The following AGMO variants were observed in gnomAD, a reference collection of about 807,000 sequenced individuals.
AGMO encodes the protein glyceryl-ether monooxygenase.
In AGMO, 75 loss-of-function variants were observed where a neutral mutation model predicts 60.2. The observed-to-expected ratio is 1.25, with a 90% CI of 1.03 to 1.51. AGMO has a LOEUF of 1.51. Among genes scored for constraint, AGMO ranks in the 40% most tolerant of loss-of-function variants. The probability of loss-of-function intolerance (pLI) is 0.00; values close to 1 mark genes in which losing one functional copy is unlikely to be tolerated. For missense variants in AGMO, 763 were observed against 525.5 expected, an observed-to-expected ratio of 1.45 and a Z score of -4.42; for synonymous variants, 261 against 177.1, an observed-to-expected ratio of 1.47 and a Z score of -3.76.
chr7:15,172,525 T>C, the AGMO span, among the ~76,000 whole-genome samples: 1 of 152,138 alleles, frequency 6.6e-6, no homozygotes, highest in Non-Finnish European at 1.5e-5. Context: ...AAATAAAACC[T>C]GCCATGTGAC....
At chr7:15,161,574 T>C in the AGMO span, among the ~76,000 whole-genome samples, 2 of 151,712 alleles carry the variant, frequency 1.3e-5, no homozygotes, top group East Asian at 3.9e-4. Context: ...GGATTTTACA[T>C]ATATGTGTAT....
At chr7:15,389,330 A>T (rs1784048436) in intron 8 of AGMO, among the ~76,000 whole-genome samples, 1 of 152,180 alleles carries the variant, frequency 6.6e-6, no homozygotes, top group African/African-American at 2.4e-5. Flanking sequence ...GACTGCAATA[A>T]GGAGACAACT....
intron 12 of AGMO, among the ~76,000 whole-genome samples, chr7:15,296,338 G>C (rs1034248088): frequency 4.6e-5 from 7 of 152,100 alleles, no homozygotes; most frequent in African/African-American, 1.7e-4. Flanking sequence ...TTCCAGACTG[G>C]GAACATATGA....
intron 12 of AGMO, among the ~76,000 whole-genome samples, chr7:15,228,773 T>G (rs182978333): frequency 1.2e-4 from 19 of 152,258 alleles, no homozygotes; most frequent in African/African-American, 4.6e-4. Flanking sequence ...TTTTGATAGA[T>G]TCAGCCAGGT....
chr7:15,155,174 A>G, the AGMO span, among the ~76,000 whole-genome samples: 5 of 152,144 alleles, frequency 3.3e-5, no homozygotes, highest in Non-Finnish European at 5.9e-5. Context: ...TTTCATGGAC[A>G]GTATCCTCAA....
intron 12 of AGMO, among the ~76,000 whole-genome samples, chr7:15,301,550 T>G (rs1242481284): frequency 6.6e-6 from 1 of 151,332 alleles, no homozygotes; most frequent in Non-Finnish European, 1.5e-5. Flanking sequence ...CTCAATACAT[T>G]TTCTAAAACC....
At chr7:15,230,840 G>A (rs1239423691) in intron 12 of AGMO, among the ~76,000 whole-genome samples, 18 of 152,062 alleles carry the variant, frequency 1.2e-4, no homozygotes, top group Admixed American at 1.0e-3. Flanking sequence ...TCAATATTGA[G>A]AAGACTGCAG....
intron 12 of AGMO, among the ~76,000 whole-genome samples, chr7:15,311,883 A>G (rs572168962): frequency 1.3e-5 from 2 of 152,334 alleles, no homozygotes; most frequent in African/African-American, 2.4e-5. Flanking sequence ...TAAAAATGAT[A>G]TATTTTAAGA....
the AGMO span, among the ~76,000 whole-genome samples, chr7:15,155,860 C>T: frequency 6.6e-6 from 1 of 151,962 alleles, no homozygotes; most frequent in Non-Finnish European, 1.5e-5. Context: ...GAATAAGTTG[C>T]CTTTAGTTTA....
At position 15,473,044 on chromosome 7, in the gene AGMO, T is replaced by C. The variant is rs76845656; in HGVS notation, c.410-41936A>G. ...TCAAGAAATATCAACAATTCATAAA[T>C]CTATATTATAAAATATTTAATTAGA... is the stretch of plus-strand genomic sequence containing the variant. On this transcript the variant is annotated intron_variant, in intron 3 of 12. Coordinates refer to ENST00000342526, the MANE Select transcript of AGMO (RefSeq NM_001004320.2). Among the ~76,000 whole-genome samples, 69 of 151,944 alleles carry C rather than the reference T, an allele frequency of 4.5e-4. No homozygotes were observed. The East Asian group carries it at 0.013, about 29-fold the overall frequency.
At chr7:15,540,288 T>C (rs189083969) in intron 3 of AGMO, among the ~76,000 whole-genome samples, 2 of 152,256 alleles carry the variant, frequency 1.3e-5, no homozygotes, top group African/African-American at 2.4e-5. Context: ...ACTTACTAAA[T>C]AGAGTATATA....
At chr7:15,484,893 C>T (rs1415371299) in intron 3 of AGMO, among the ~76,000 whole-genome samples, 1 of 151,836 alleles carries the variant, frequency 6.6e-6, no homozygotes, top group East Asian at 1.9e-4. Context: ...ATGATTTCTG[C>T]AAAGCTAGAC....
chr7:15,275,890 GT>G (rs36092472), intron 12 of AGMO, among the ~76,000 whole-genome samples: 13 of 151,864 alleles, frequency 8.6e-5, no homozygotes, highest in Admixed American at 3.9e-4. Context: ...TGTGTGATAT[GT>G]TTTTTTCCAC....
At chr7:15,132,449 G>T in the AGMO span, among the ~76,000 whole-genome samples, 1 of 152,150 alleles carries the variant, frequency 6.6e-6, no homozygotes, top group East Asian at 1.9e-4. Context: ...TGTCAGTGAA[G>T]GTGTCTCTGA....
At chr7:15,430,592 G>GT (rs1781200623) in intron 4 of AGMO, among the ~76,000 whole-genome samples, 2 of 66,518 alleles carry the variant, frequency 3.0e-5, no homozygotes, top group African/African-American at 1.1e-4. Flanking sequence ...TAGAGAATTA[G>GT]TTGTTTTTTT....
the AGMO span, among the ~76,000 whole-genome samples, chr7:15,120,343 A>T: frequency 1.3e-5 from 2 of 152,096 alleles, no homozygotes; most frequent in Non-Finnish European, 2.9e-5. Flanking sequence ...GAAGCGTTTG[A>T]CCCTGATGAT....
intron 3 of AGMO, among the ~76,000 whole-genome samples, chr7:15,451,513 G>C (rs911913051): frequency 1.3e-5 from 2 of 152,184 alleles, no homozygotes; most frequent in East Asian, 1.9e-4. Context: ...GGGTCTAGGT[G>C]GGGGCTTGCT....
At chr7:15,476,167 T>C (rs1418445067) in intron 3 of AGMO, among the ~76,000 whole-genome samples, 3 of 152,114 alleles carry the variant, frequency 2.0e-5, no homozygotes, top group Admixed American at 6.6e-5. Context: ...ACTTCAGGAA[T>C]GGAAGATGAA....
At chr7:15,354,475 C>CGTGTGTATAT (rs1782428984) in intron 12 of AGMO, among the ~76,000 whole-genome samples, 1 of 15,194 alleles carries the variant, frequency 6.6e-5, no homozygotes, top group Non-Finnish European at 1.1e-4. Context: ...TGTGTATACA[C>CGTGTGTATAT]ACGTGTGTAT....
Sources: allele counts gnomAD v4.1 joint callset (sites outside exome capture counted in the v4.1 genomes callset), GRCh38; gene constraint gnomAD v4.1.1; transcripts MANE v1.5; gene names NCBI Gene and HGNC (gene_info 2026-07-23, HGNC 2026-07-21).